Variants in ZNF793 observed in about 807,000 individuals in gnomAD.
ZNF793 encodes the protein zinc finger protein 793.
A neutral mutation model predicts 12.4 loss-of-function variants in ZNF793; 5 were observed. The observed-to-expected ratio is 0.40, with a 90% CI of 0.21 to 0.84. ZNF793 has a LOEUF of 0.84. Among genes scored for constraint, ZNF793 ranks in the 40% least tolerant of loss-of-function variants. The pLI is 0.35. For missense variants in ZNF793, 456 were observed against 495.0 expected (o/e 0.92, Z 0.75); for synonymous variants, 162 against 172.4 (o/e 0.94, Z 0.47).
chr19:37,533,616 C>G, intron 7 of ZNF793: 1 of 510,152 alleles, frequency 2.0e-6, no homozygotes, highest in Non-Finnish European at 3.5e-6. Flanking sequence ...CTTGGTCCAT[C>G]TCTCTTTCTC....
intron 2 of ZNF793, among the ~76,000 whole-genome samples, chr19:37,516,829 A>G (rs1026790057): frequency 2.0e-5 from 3 of 152,050 alleles, no homozygotes; most frequent in Non-Finnish European, 4.4e-5. Flanking sequence ...TATTTTTAGT[A>G]GAGATGGGGT....
intron 3 of ZNF793, among the ~76,000 whole-genome samples, chr19:37,520,960 A>G (rs1157487641): frequency 1.3e-5 from 2 of 150,558 alleles, no homozygotes; most frequent in East Asian, 3.9e-4. Flanking sequence ...GAATCTCAGA[A>G]TTACAGACAT....
At chr19:37,509,615 AAAT>A (rs10544049) in intron 2 of ZNF793, among the ~76,000 whole-genome samples, 33,326 of 152,038 alleles carry the variant, frequency 0.22, 3,954 homozygotes, top group South Asian at 0.32. Flanking sequence ...AGCATGGGTG[AAAT>A]AATAAGCCAG....
At chr19:37,517,392 G>A (rs543888199) in intron 2 of ZNF793, among the ~76,000 whole-genome samples, 3 of 150,942 alleles carry the variant, frequency 2.0e-5, no homozygotes, top group African/African-American at 7.3e-5. Context: ...GGAGGTAGAG[G>A]CTGCAGTGAG....
At chr19:37,507,532 C>T (rs946092480) in intron 1 of ZNF793, among the ~76,000 whole-genome samples, 3 of 152,070 alleles carry the variant, frequency 2.0e-5, no homozygotes, top group Admixed American at 6.6e-5. Flanking sequence ...TGTTTTGGGC[C>T]ATCGGTGATT....
Position 37,540,534 on chromosome 19 carries a change from G to A in ZNF793, c.*2655G>A, listed in dbSNP as rs1302549265. On this transcript the variant is annotated 3_prime_UTR_variant, in exon 8 of 8. Transcript: ENST00000627814. ...TGTTAATTTACATTGTAATAGATGG[G>A]AACCACTTAAAGCGGTTTTTCTTAA... 6.6e-6 allele frequency: 1 copy of A among 151,312 alleles called. No homozygotes were observed. The highest frequency in any genetic ancestry group is 1.5e-5 in the Non-Finnish European group (1 of 67,808). 9.4% of individuals were successfully genotyped at this position (151,312 alleles called of 1,614,324 possible).
intron 5 of ZNF793, among the ~76,000 whole-genome samples, chr19:37,526,097 T>C (rs1600414959): frequency 6.6e-6 from 1 of 152,076 alleles, no homozygotes; most frequent in South Asian, 2.1e-4. Context: ...TCCTCCCTAC[T>C]TTTCCCCCTC....
rs371262002 is a variant in ZNF793 at position 37,532,441 on chromosome 19, G to T, written c.101G>T (p.Arg34Leu). Reference sequence around the variant, plus strand: ...AGTCCTGCTCAGAGGGCCCTGTACCGGGATGTGATGCTGGAAACCTATAGC... The same window carrying T: ...AGTCCTGCTCAGAGGGCCCTGTACCTGGATGTGATGCTGGAAACCTATAGC... ...RLSPAQRALY[R>L]DVMLETYSNL... The change falls in exon 6 of 8, where the codon CGG becomes CTG. Residue 34 changes from arginine (R) to leucine (L), a missense_variant. Transcript: ENST00000627814. 8.1e-6 allele frequency: 13 copies of T among 1,613,000 alleles called. No homozygotes were observed. In the African/African-American group the frequency reaches 1.6e-4, roughly 20 times the overall value.
At chr19:37,536,303 G>T (rs1438471266) in intron 7 of ZNF793, 16 of 396,318 alleles carry the variant, frequency 4.0e-5, no homozygotes, top group Middle Eastern at 6.2e-4. Flanking sequence ...AATCACCGGG[G>T]CATCTTGTTG....
At chr19:37,523,522 T>C in intron 5 of ZNF793, 68 bp downstream of exon 5, 1 of 1,485,840 alleles carries the variant, frequency 6.7e-7, no homozygotes, top group Non-Finnish European at 9.4e-7. Flanking sequence ...AAAAAGGGTG[T>C]GCATTGTAAG....
Position 37,511,941 on chromosome 19 carries a change from G to A in ZNF793, c.-276+3538G>A, listed in dbSNP as rs74537862. Among the ~76,000 whole-genome samples, 11 of 152,032 alleles carry A rather than the reference G, an allele frequency of 7.2e-5. No homozygotes were observed. In the East Asian group the frequency reaches 9.7e-4, roughly 13 times the overall value. The stretch of plus-strand genomic sequence containing the variant: ...ACTACAGAGACCTGAATGAAGTAGC[G>A]TGAAAAAGAGCCTCTCTAGAGGCTG... On this transcript the variant is annotated intron_variant, in intron 2 of 7. Transcript: ENST00000627814.
rs1345471214 is a variant in ZNF793, at chr19:37,538,140, C to T, written c.*261C>T. ...CCGTGTTAGCCAGGATGGTCTCGAT[C>T]TCCTGACCTTGTGATCTGCCCGCCT... On this transcript the variant is annotated 3_prime_UTR_variant, in exon 8 of 8. Transcript: ENST00000627814. 3.8e-5 allele frequency: 13 copies of T among 343,524 alleles called. No homozygotes were observed. In the South Asian group the frequency reaches 5.2e-4, roughly 14 times the overall value. The allele number at this position is 343,524 out of a possible 1,614,324, so 21.3% of individuals were successfully genotyped here. A position where few individuals can be genotyped will look rare whatever the true frequency, so the allele number is the denominator to read the frequency against.
rs1205927473 is a variant in ZNF793, at chr19:37,522,658, T to C, written c.-31+11T>C. The C allele has an allele frequency of 2.6e-5, 4 of 152,240 alleles. No homozygotes were observed. Among genetic ancestry groups the C allele is most frequent in the African/African-American group, 9.6e-5 (4 of 41,458 alleles). The allele number at this position is 152,240 out of a possible 1,614,324, so 9.4% of individuals were successfully genotyped here. A position where few individuals can be genotyped will look rare whatever the true frequency, so the allele number is the denominator to read the frequency against. On this transcript the variant is annotated intron_variant, in intron 4 of 7. Coordinates refer to ENST00000627814, the MANE Select transcript of ZNF793 (RefSeq NM_001013659.3). ...TTTTGAAGAGTATAGGTAGGTTATT[T>C]TGTATATTGTAACTCAGTATGGTTT...
In ZNF793 at chr19:37,538,168, T is replaced by G. The variant is rs543166729; in HGVS notation, c.*289T>G. The stretch of plus-strand genomic sequence containing the variant: ...CTGACCTTGTGATCTGCCCGCCTTG[T>G]CCTCCCAAAGTGCTGGGATTACAGG... On this transcript the variant is annotated 3_prime_UTR_variant, in exon 8 of 8. Coordinates refer to ENST00000627814, the MANE Select transcript of ZNF793 (RefSeq NM_001013659.3). 0.014 allele frequency: 3,954 copies of G among 285,694 alleles called. 42 individuals are homozygous for G. Among genetic ancestry groups the G allele is most frequent in the Non-Finnish European group, 0.019 (2,952 of 152,552 alleles). The allele number at this position is 285,694 out of a possible 1,614,324, so 17.7% of individuals were successfully genotyped here.
intron 2 of ZNF793, among the ~76,000 whole-genome samples, chr19:37,509,574 C>T (rs939939610): frequency 6.6e-6 from 1 of 152,000 alleles, no homozygotes; most frequent in African/African-American, 2.4e-5. Context: ...CTGTTTTTCA[C>T]TTGCACAGAA....
intron 5 of ZNF793, among the ~76,000 whole-genome samples, chr19:37,524,747 GC>G: frequency 6.6e-6 from 1 of 152,330 alleles, no homozygotes; most frequent in South Asian, 2.1e-4. Context: ...GGCAGGCTCC[GC>G]CCCTGGCCTG....
At chr19:37,524,373 A>G (rs552992172) in intron 5 of ZNF793, among the ~76,000 whole-genome samples, 1 of 152,080 alleles carries the variant, frequency 6.6e-6, no homozygotes, top group Non-Finnish European at 1.5e-5. Context: ...ATGCAAGGGA[A>G]TATGACTGAT....
intron 2 of ZNF793, among the ~76,000 whole-genome samples, chr19:37,514,887 T>C (rs1474282316): frequency 1.3e-5 from 2 of 152,220 alleles, no homozygotes; most frequent in Non-Finnish European, 2.9e-5. Flanking sequence ...GAGAATACCA[T>C]AGCCGCCTCA....
At position 37,537,739 on chromosome 19, in the gene ZNF793, C is replaced by G; in HGVS notation, c.1081C>G (p.His361Asp). The G allele has an allele frequency of 6.2e-7, 1 of 1,614,094 alleles. No individual in the cohort carries two copies. Among genetic ancestry groups the G allele is most frequent in the Non-Finnish European group, 8.5e-7 (1 of 1,179,988 alleles). Residue 361 changes from histidine to aspartate, a missense_variant, in exon 8 of 8, where the codon CAC (histidine) becomes GAC (aspartate). Coordinates refer to ENST00000627814, the MANE Select transcript of ZNF793 (RefSeq NM_001013659.3). Reference sequence around the variant, plus strand: ...ATGCCTCAATAAACATTGGAGAACTCACACAGGAGAGAAGCCCTATGGGTG... The same window carrying G: ...ATGCCTCAATAAACATTGGAGAACTGACACAGGAGAGAAGCCCTATGGGTG... ...KSCLNKHWRT[H>D]TGEKPYGCNE... is the part of the protein sequence containing the mutation.
Sources: allele counts gnomAD v4.1 joint callset (sites outside exome capture counted in the v4.1 genomes callset), GRCh38; gene constraint gnomAD v4.1.1; transcripts MANE v1.5; gene names NCBI Gene and HGNC (gene_info 2026-07-23, HGNC 2026-07-21).